Variants in TECTA observed in about 807,000 individuals in gnomAD.
TECTA encodes tectorin alpha, also known as alpha-tectorin.
In TECTA, 128 loss-of-function variants were observed where a neutral mutation model predicts 216.8. The ratio of observed to expected loss-of-function variants is 0.59; its 90% CI spans 0.51 to 0.68. TECTA has a LOEUF of 0.68. TECTA is among the 30% of genes least tolerant of loss of function. The pLI, the probability that TECTA is intolerant of heterozygous loss-of-function variation, is 0.00. For missense variants in TECTA, 2,551 were observed against 2,786.2 expected (o/e 0.92, Z 1.90); for synonymous variants, 1,089 against 1,117.1 (o/e 0.97, Z 0.50).
At chr11:121,163,032 A>T (rs1274834477) in intron 16 of TECTA, among the ~76,000 whole-genome samples, 1 of 152,192 alleles carries the variant, frequency 6.6e-6, no homozygotes, top group African/African-American at 2.4e-5. Context: ...ATAGACATAC[A>T]TGTGTGTCCA....
At chr11:121,187,256 C>T (rs529824676) in intron 20 of TECTA, among the ~76,000 whole-genome samples, 1 of 151,752 alleles carries the variant, frequency 6.6e-6, no homozygotes, top group East Asian at 2.0e-4. Context: ...TGAGATATGT[C>T]TTGGCTGGGG....
At chr11:121,161,524 TCCC>T (rs1946997783) in intron 15 of TECTA, among the ~76,000 whole-genome samples, 1 of 42,786 alleles carries the variant, frequency 2.3e-5, no homozygotes, top group African/African-American at 8.6e-5. Context: ...CCTGCCTCCC[TCCC>T]TCCTTCCCTC....
rs773790980 is a variant in TECTA at position 121,113,678 on chromosome 11, T to G, written c.750T>G (p.Asp250Glu). ...NVPGRWAFKV[D>E]GKEIDPANGC... ...CAGGCCGCTGGGCATTTAAAGTTGA[T>G]GGAAAGGAAATTGACCCAGCCAATG... Residue 250 changes from aspartate (D) to glutamate (E), a missense_variant, in exon 6 of 24, where the codon GAT becomes GAG. Coordinates refer to ENST00000392793, the MANE Select transcript of TECTA (RefSeq NM_005422.4). This position sits in a 1 kb window ranked among gnomAD's most constrained non-coding sequence, Gnocchi z 4.2. 1 of 1,613,750 alleles carries G rather than the reference T, an allele frequency of 6.2e-7. No homozygotes were observed. The highest frequency in any genetic ancestry group is 1.7e-5 in the Admixed American group (1 of 60,006).
intron 13 of TECTA, among the ~76,000 whole-genome samples, chr11:121,156,498 C>A (rs2135118623): frequency 6.6e-6 from 1 of 152,180 alleles, no homozygotes; most frequent in East Asian, 1.9e-4. Context: ...CATGTGCCAC[C>A]ATGCCTGGCG....
chr11:121,109,105 A>G, intron 3 of TECTA, 106 bp from the exon 4 acceptor site: 1 of 1,290,266 alleles, frequency 7.8e-7, no homozygotes, highest in South Asian at 1.3e-5. Flanking sequence ...CAGTAGTTTA[A>G]AAGTTGTTTT....
At chr11:121,159,802 C>G (rs1446549502) in intron 14 of TECTA, among the ~76,000 whole-genome samples, 1 of 152,222 alleles carries the variant, frequency 6.6e-6, no homozygotes, top group Non-Finnish European at 1.5e-5. Context: ...GTTTCCTTAT[C>G]TCTCACCTCC....
At chr11:121,171,393 G>C (rs554510837) in intron 20 of TECTA, among the ~76,000 whole-genome samples, 35 of 152,148 alleles carry the variant, frequency 2.3e-4, no homozygotes, top group African/African-American at 8.4e-4. Context: ...AGTGAGTATT[G>C]CTTGGGCTAT....
chr11:121,120,462 G>T (rs1946546867), intron 7 of TECTA, among the ~76,000 whole-genome samples: 1 of 152,236 alleles, frequency 6.6e-6, no homozygotes. Context: ...GGTGATGTGG[G>T]GACAGGCAGG....
chr11:121,116,397 A>T (rs922090906), intron 6 of TECTA, among the ~76,000 whole-genome samples: 1 of 152,204 alleles, frequency 6.6e-6, no homozygotes, highest in Non-Finnish European at 1.5e-5. Flanking sequence ...CTATGGCCAT[A>T]CAACATGAGT....
In TECTA at chr11:121,127,435, G is replaced by T. The variant is rs1045803678; in HGVS notation, c.1775-317G>T. On this transcript the variant is annotated intron_variant, in intron 8 of 23. Transcript: ENST00000392793. The surrounding 1 kb of genome is among the most constrained non-coding windows in gnomAD (Gnocchi z 5.0). ...TCAGTGGAAGGTCTTAAAATATCTC[G>T]GTAGTGTGGATCATCAAATAATAAA... Among the ~76,000 whole-genome samples the T allele has an allele frequency of 4.6e-5, 7 of 152,082 alleles. No homozygotes were observed.
At position 121,152,971 on chromosome 11, in the gene TECTA, G is replaced by C. The variant is rs1946906094; in HGVS notation, c.4196G>C (p.Ser1399Thr). ...GCCATCCGCCTGAAGAGTGACTGCA[G>C]CCACTACTGCGTGGAGGGCTGTCAC... ...CAAIRLKSDC[S>T]HYCVEGCHCD... Residue 1399 changes from serine (S) to threonine (T), a missense_variant, in exon 13 of 24, where the codon AGC becomes ACC. Physicochemically the swap from Ser to Thr is moderately conservative, Grantham distance 58. Around this residue, in one of 3 missense-constraint regions of TECTA, gnomAD observed 2,375 missense variants for 2,563.9 expected, o/e 0.93. Transcript: ENST00000392793. 1.2e-6 allele frequency: 2 copies of C among 1,614,166 alleles called. No homozygotes were observed. Among genetic ancestry groups the C allele is most frequent in the Middle Eastern group, 1.6e-4 (1 of 6,062 alleles).
chr11:121,150,756 C>T (rs940031962), intron 12 of TECTA, among the ~76,000 whole-genome samples: 1 of 150,850 alleles, frequency 6.6e-6, no homozygotes, highest in Non-Finnish European at 1.5e-5. Context: ...AGCAATTCTC[C>T]TGCCTCAGCC....
At chr11:121,148,161 A>G (rs4623911) in intron 12 of TECTA, among the ~76,000 whole-genome samples, 41,508 of 152,040 alleles carry the variant, frequency 0.27, 7,183 homozygotes, top group African/African-American at 0.49. Flanking sequence ...CATGGCACCC[A>G]GAGCCGAGTC....
chr11:121,166,789 A>G lies in TECTA; in HGVS notation c.5586+9A>G, dbSNP rs1947058007. The G allele has an allele frequency of 6.2e-7, 1 of 1,613,442 alleles. No individual in the cohort carries two copies. Among genetic ancestry groups the G allele is most frequent in the Non-Finnish European group, 8.5e-7 (1 of 1,179,970 alleles). On this transcript the variant is annotated intron_variant, in intron 18 of 23. Transcript: ENST00000392793. ...GTGGAAACATTGTGCAGGTGAGAAA[A>G]GCAGCAGGAAAGAGCACCTGGCAGA... is the stretch of plus-strand genomic sequence containing the variant.
intron 11 of TECTA, among the ~76,000 whole-genome samples, chr11:121,138,809 A>C (rs1262910787): frequency 6.6e-6 from 1 of 152,212 alleles, no homozygotes; most frequent in Non-Finnish European, 1.5e-5. Context: ...AAATGCTAAC[A>C]ATCAAGCCAG....
intron 3 of TECTA, among the ~76,000 whole-genome samples, chr11:121,108,981 A>G (rs1206951120): frequency 6.6e-6 from 1 of 152,210 alleles, no homozygotes; most frequent in African/African-American, 2.4e-5. Context: ...CTGATTATTA[A>G]TCAGAAATGA....
intron 20 of TECTA, among the ~76,000 whole-genome samples, chr11:121,186,331 C>T (rs1947287500): frequency 6.6e-6 from 1 of 152,256 alleles, no homozygotes; most frequent in South Asian, 2.1e-4. Context: ...CTTCTCTTGT[C>T]TCTTCAGGTG....
intron 20 of TECTA, 97 bp downstream of exon 20, chr11:121,169,022 G>T: frequency 6.3e-7 from 1 of 1,597,220 alleles, no homozygotes; most frequent in Non-Finnish European, 8.6e-7. Flanking sequence ...ATATTTGTTG[G>T]CTGCCTACAA....
At chr11:121,185,183 C>A (rs1388997446) in intron 20 of TECTA, among the ~76,000 whole-genome samples, 1 of 152,200 alleles carries the variant, frequency 6.6e-6, no homozygotes, top group Non-Finnish European at 1.5e-5. Context: ...TGGGAAGTGA[C>A]TTCTTTATGT....
Sources: gnomAD v4.1 joint callset for allele counts (sites outside exome capture counted in the v4.1 genomes callset) on GRCh38, gnomAD v4.1.1 for gene constraint, gnomAD v4.1.1 regional missense constraint, Gnocchi (gnomAD v3.1) non-coding constraint, MANE v1.5 for transcripts, NCBI Gene and HGNC (gene_info 2026-07-23, HGNC 2026-07-21) for gene names.